DENND5A: variants seen among roughly 807,000 people sequenced by gnomAD.
DENND5A encodes DENN domain-containing protein 5A.
DENND5A carries 64 observed loss-of-function variants against 140.3 expected under a neutral mutation model. The ratio of observed to expected loss-of-function variants is 0.46; its 90% confidence interval spans 0.37 to 0.56. The LOEUF is 0.56. Among genes scored for constraint, DENND5A ranks in the 20% least tolerant of loss-of-function variants. The pLI is 0.00. For missense variants in DENND5A, 1,292 were observed against 1,593.8 expected, an observed-to-expected ratio of 0.81 and a Z score of 3.22; for synonymous variants, 605 against 607.7, an observed-to-expected ratio of 1.00 and a Z score of 0.07.
chr11:9,193,782 T>C, intron 4 of DENND5A, 101 bp from the exon 5 acceptor site: 1 of 1,028,200 alleles, frequency 9.7e-7, no homozygotes, highest in Admixed American at 2.7e-5. Context: ...AATTTCTTAT[T>C]TAGAAACGAT....
intron 12 of DENND5A, among the ~76,000 whole-genome samples, chr11:9,157,471 T>C (rs992482138): frequency 6.6e-6 from 1 of 152,174 alleles, no homozygotes; most frequent in Non-Finnish European, 1.5e-5. Context: ...TTTTCAGTCC[T>C]CTCCCTCCTC....
chr11:9,173,467 TG>T (rs1351289097), intron 8 of DENND5A, among the ~76,000 whole-genome samples: 1 of 152,184 alleles, frequency 6.6e-6, no homozygotes, highest in African/African-American at 2.4e-5. Context: ...GTAAAATAGA[TG>T]ACAATAGCAC....
intron 1 of DENND5A, among the ~76,000 whole-genome samples, chr11:9,230,942 C>T: frequency 6.6e-6 from 1 of 151,934 alleles, no homozygotes; most frequent in South Asian, 2.1e-4. Context: ...GAGCAGTTAG[C>T]GTGCACTCTA....
At chr11:9,262,246 G>C (rs369315091) in intron 1 of DENND5A, among the ~76,000 whole-genome samples, 8 of 152,232 alleles carry the variant, frequency 5.3e-5, no homozygotes, top group Middle Eastern at 3.4e-3. Context: ...AGGAGAGCAG[G>C]AATATTACCC....
At chr11:9,254,320 G>A (rs908002920) in intron 1 of DENND5A, among the ~76,000 whole-genome samples, 26 of 152,140 alleles carry the variant, frequency 1.7e-4, no homozygotes, top group Admixed American at 1.1e-3. Context: ...CCTGGGTCTG[G>A]CTTTTTTAAG....
intron 4 of DENND5A, among the ~76,000 whole-genome samples, chr11:9,195,901 A>C (rs1231319319): frequency 2.0e-5 from 3 of 152,198 alleles, no homozygotes; most frequent in Non-Finnish European, 2.9e-5. Context: ...AAAAAACAAA[A>C]AAAAAAGGAT....
At chr11:9,170,604 G>C in intron 9 of DENND5A, 23 bp downstream of exon 9, 1 of 1,613,492 alleles carries the variant, frequency 6.2e-7, no homozygotes, top group East Asian at 2.2e-5. Context: ...AGTTGGATTA[G>C]TGAATCCCTG....
chr11:9,144,119 G>A lies in DENND5A; in HGVS notation c.3282C>T (p.Thr1094=). ...QSPSVIRRLV[T]ISPNNKPKLN... is the part of the protein sequence containing the mutation. ...TACTGGGCTTGTTGTTGGGTGAGAT[G>A]GTAACAAGCCTCCGGATGACACTGG... Residue 1094 remains threonine, a synonymous_variant, in exon 19 of 23, where the codon ACC becomes ACT. Transcript: ENST00000328194. The A allele has an allele frequency of 6.2e-7, 1 of 1,613,838 alleles. No individual in the cohort carries two copies. The highest frequency in any genetic ancestry group is 2.2e-5 in the East Asian group (1 of 44,882).
At chr11:9,207,503 GAT>G in intron 2 of DENND5A, 56 bp downstream of exon 2, 2 of 1,289,404 alleles carry the variant, frequency 1.6e-6, no homozygotes, top group Non-Finnish European at 2.2e-6. Flanking sequence ...CCACTGGAGA[GAT>G]ATATGTAAGA....
chr11:9,144,997 G>A lies in DENND5A; in HGVS notation c.3120C>T (p.Tyr1040=). 1.9e-6 allele frequency: 3 copies of A among 1,606,008 alleles called. No individual in the cohort carries two copies. The highest frequency in any genetic ancestry group is 2.2e-5 in the East Asian group (1 of 44,834). Residue 1040 remains tyrosine, a splice_region_variant and synonymous_variant, in exon 18 of 23, where the codon TAC becomes TAT. Transcript: ENST00000328194. ...TTACAGCCTGAGGGTATACTTACTT[G>A]TAGGTATGTCCTGTGATCTCATTCC... is the stretch of plus-strand genomic sequence containing the variant. ...MVRNEITGHT[Y]KFPCGRWLGK... is the part of the protein sequence containing the mutation.
chr11:9,140,998 T>C (rs1847219612), intron 22 of DENND5A, among the ~76,000 whole-genome samples: 2 of 152,098 alleles, frequency 1.3e-5, no homozygotes, highest in Non-Finnish European at 2.9e-5. Context: ...TGATGGCGCA[T>C]GCCTGTAATC....
At chr11:9,264,255 G>A (rs1473540513) in intron 1 of DENND5A, among the ~76,000 whole-genome samples, 1 of 152,054 alleles carries the variant, frequency 6.6e-6, no homozygotes, top group Non-Finnish European at 1.5e-5. Context: ...GACTTGAAAC[G>A]CATCAGAACA....
intron 20 of DENND5A, chr11:9,143,183 A>C: frequency 1.6e-6 from 1 of 607,092 alleles, no homozygotes; most frequent in Non-Finnish European, 2.9e-6. Flanking sequence ...CAGGGACTCT[A>C]TTGGGTCATC....
chr11:9,204,224 G>A lies in DENND5A; in HGVS notation c.385C>T (p.Arg129Trp). 2.5e-6 allele frequency: 4 copies of A among 1,614,032 alleles called. No homozygotes were observed. Among genetic ancestry groups the A allele is most frequent in the South Asian group, 2.2e-5 (2 of 91,074 alleles). ...AFIITREDGS[R>W]TFGFALTFYE... ...AATGTGAGGGCAAACCCAAATGTCC[G>A]AGAGCCATCCTCCCTTGTGATAATA... Residue 129 changes from arginine (R) to tryptophan (W), a missense_variant, in exon 4 of 23, where the codon CGG becomes TGG. Arg to Trp is a moderately radical substitution (Grantham distance 101). Transcript: ENST00000328194.
At position 9,150,151 on chromosome 11, in the gene DENND5A, G is replaced by A. The variant is rs1299172802; in HGVS notation, c.2665C>T (p.Arg889Ter). The change falls in exon 15 of 23, where the codon CGA (arginine) becomes TGA (stop). Residue 889 changes from arginine (R) to a stop codon, truncating the protein, a stop_gained. Coordinates refer to ENST00000328194, the MANE Select transcript of DENND5A (RefSeq NM_015213.4). LOFTEE classifies it high-confidence loss of function. Reference protein sequence around the residue: ...TDVGKARAWVRLSMEKKLLSR... With the variant: ...TDVGKARAWV ...AGTAACTTTTTTTCCATGGACAGTC[G>A]CACCCATGCTCTGGCCTTTCCCACA... is the stretch of plus-strand genomic sequence containing the variant. The A allele has an allele frequency of 2.5e-6, 4 of 1,613,850 alleles. No individual in the cohort carries two copies. Among genetic ancestry groups the A allele is most frequent in the Non-Finnish European group, 2.5e-6 (3 of 1,179,840 alleles).
rs759596694 is a variant in DENND5A, at chr11:9,192,627, CA to C, written c.1137+866del. On this transcript the variant is annotated intron_variant, in intron 5 of 22. Transcript: ENST00000328194. Reference sequence around the variant, plus strand: ...TGGGTGACAGTGCGAGACTTCGTCTCAAAAAAAAAACAAAAAAAAACAAAAA... The same window carrying C: ...TGGGTGACAGTGCGAGACTTCGTCTCAAAAAAAAACAAAAAAAAACAAAAA... Among the ~76,000 whole-genome samples, 88 of 102,012 alleles carry C rather than the reference CA, an allele frequency of 8.6e-4. 2 individuals are homozygous for C. In the Admixed American group the frequency reaches 8.8e-3, roughly 10 times the overall value. 66.9% of individuals were successfully genotyped at this position (102,012 alleles called of 152,430 possible).
intron 12 of DENND5A, among the ~76,000 whole-genome samples, chr11:9,154,745 A>G (rs1284674114): frequency 6.6e-6 from 1 of 152,140 alleles, no homozygotes; most frequent in East Asian, 1.9e-4. Context: ...AAAATGTCTA[A>G]CAACATTAAT....
intron 1 of DENND5A, among the ~76,000 whole-genome samples, chr11:9,253,157 C>A (rs1458081535): frequency 2.0e-5 from 3 of 152,058 alleles, no homozygotes; most frequent in African/African-American, 4.8e-5. Context: ...CTGGCCACAA[C>A]AGGAATTTAC....
rs1293287872 is a variant in DENND5A at position 9,139,761 on chromosome 11, T to C, written c.3774A>G (p.Thr1258=). The C allele has an allele frequency of 1.2e-6, 2 of 1,614,076 alleles. No homozygotes were observed. The change falls in exon 23 of 23, where the codon ACA becomes ACG. Residue 1258 remains threonine, a synonymous_variant. Transcript: ENST00000328194. ...GCACACGAATCAAGGAATTGACAAG[T>C]GTATGGTCTTTGATCAGTGCCACAT... ...YEDVALIKDH[T]LVNSLIRVLQ...
Sources: gnomAD v4.1 joint callset for allele counts (sites outside exome capture counted in the v4.1 genomes callset) on GRCh38, gnomAD v4.1.1 for gene constraint, MANE v1.5 for transcripts, NCBI Gene and HGNC (gene_info 2026-07-23, HGNC 2026-07-21) for gene names.